RANBP3L: variants seen among roughly 807,000 people sequenced by gnomAD.
The protein encoded by RANBP3L is ran-binding protein 3-like.
RANBP3L carries 56 observed loss-of-function variants against 67.2 expected under a neutral mutation model. That is an observed-to-expected ratio of 0.83 (90% CI 0.67 to 1.04). The LOEUF is 1.04. Ranked by LOEUF, RANBP3L falls within the 50% of genes least tolerant of loss-of-function variation. The probability of loss-of-function intolerance (pLI) is 0.00; values close to 1 mark genes in which losing one functional copy is unlikely to be tolerated. For missense variants in RANBP3L, 496 were observed against 535.5 expected (o/e 0.93, Z 0.73); for synonymous variants, 164 against 181.4 (o/e 0.90, Z 0.77).
intron 1 of RANBP3L, among the ~76,000 whole-genome samples, chr5:36,289,180 C>T (rs1381221294): frequency 1.3e-5 from 2 of 152,074 alleles, no homozygotes; most frequent in African/African-American, 2.4e-5. Context: ...TATCCGTTCT[C>T]CCTTTGAGTT....
chr5:36,293,813 T>C lies in RANBP3L; in HGVS notation c.91+7513A>G, dbSNP rs1348439264. Among the ~76,000 whole-genome samples, 6 of 146,976 alleles carry C rather than the reference T, an allele frequency of 4.1e-5. No individual in the cohort carries two copies. In the East Asian group the frequency reaches 5.8e-4, roughly 14 times the overall value. ...CTGGATTCGGTTTGCCAGTATTTTATTGAGGATTTTTGCATCAATGTTCAT... is the reference window on the plus strand; with the variant it reads ...CTGGATTCGGTTTGCCAGTATTTTACTGAGGATTTTTGCATCAATGTTCAT... On this transcript the variant is annotated intron_variant, in intron 1 of 13. Coordinates refer to ENST00000296604, the MANE Select transcript of RANBP3L (RefSeq NM_145000.5).
chr5:36,267,056 C>T (rs1013124403), intron 4 of RANBP3L, among the ~76,000 whole-genome samples: 1 of 152,136 alleles, frequency 6.6e-6, no homozygotes, highest in Non-Finnish European at 1.5e-5. Context: ...CACGCCCAGC[C>T]AGGATCTCTG....
chr5:36,287,622 G>A (rs1420657758), intron 1 of RANBP3L, among the ~76,000 whole-genome samples: 1 of 152,048 alleles, frequency 6.6e-6, no homozygotes, highest in Non-Finnish European at 1.5e-5. Context: ...TGATTCTAAA[G>A]GATGTTCAAT....
chr5:36,266,591 A>G (rs1054318958), intron 4 of RANBP3L, among the ~76,000 whole-genome samples: 2 of 152,234 alleles, frequency 1.3e-5, no homozygotes, highest in Admixed American at 6.5e-5. Context: ...TCTGCACAAC[A>G]TAAAACAGAA....
At chr5:36,297,997 G>C (rs995923827) in intron 1 of RANBP3L, among the ~76,000 whole-genome samples, 1 of 152,014 alleles carries the variant, frequency 6.6e-6, no homozygotes, top group African/African-American at 2.4e-5. Context: ...GGCATGGGGG[G>C]TTAGAAAATA....
chr5:36,291,163 T>C (rs1476267938), intron 1 of RANBP3L, among the ~76,000 whole-genome samples: 2 of 151,858 alleles, frequency 1.3e-5, no homozygotes, highest in Non-Finnish European at 2.9e-5. Context: ...TCTCCAGAAC[T>C]CTTTTCATCT....
Position 36,301,504 on chromosome 5 carries a change from A to T in RANBP3L, c.-88T>A. 1 of 847,216 alleles carries T rather than the reference A, an allele frequency of 1.2e-6. No individual in the cohort carries two copies. Among genetic ancestry groups the T allele is most frequent in the Non-Finnish European group, 2.0e-6 (1 of 498,484 alleles). The allele number at this position is 847,216 out of a possible 1,614,324, so 52.5% of individuals were successfully genotyped here. A position where few individuals can be genotyped will look rare whatever the true frequency, so the allele number is the denominator to read the frequency against. ...CTAAAGTGGCCTTCACCAGACACCC[A>T]GAAATACATAGATTCATGCAGATCT... On this transcript the variant is annotated 5_prime_UTR_variant, in exon 1 of 14. Transcript: ENST00000296604.
chr5:36,266,860 G>A (rs983875140), intron 4 of RANBP3L, among the ~76,000 whole-genome samples: 2 of 151,906 alleles, frequency 1.3e-5, no homozygotes, highest in Admixed American at 1.3e-4. Context: ...GGGTTCAAGC[G>A]ATTCTCTTGC....
At chr5:36,270,826 G>T (rs6886540) in intron 2 of RANBP3L, among the ~76,000 whole-genome samples, 1 of 152,094 alleles carries the variant, frequency 6.6e-6, no homozygotes, top group Non-Finnish European at 1.5e-5. Flanking sequence ...CTTTCAAAAC[G>T]AATGATTTTA....
chr5:36,253,581 A>G lies in RANBP3L; in HGVS notation c.1167+66T>C, dbSNP rs1748747495. 5.2e-6 allele frequency: 7 copies of G among 1,348,614 alleles called. No homozygotes were observed. In the African/African-American group the frequency reaches 5.8e-5, roughly 11 times the overall value. 83.5% of individuals were successfully genotyped at this position (1,348,614 alleles called of 1,614,324 possible). A position where few individuals can be genotyped will look rare whatever the true frequency, so the allele number is the denominator to read the frequency against. ...ATTATTATACCTAATGAAAAAACAA[A>G]TTAGTAATTGCAGACGTCTATTAAT... On this transcript the variant is annotated intron_variant, in intron 12 of 13. Coordinates refer to ENST00000296604, the MANE Select transcript of RANBP3L (RefSeq NM_145000.5).
intron 1 of RANBP3L, among the ~76,000 whole-genome samples, chr5:36,293,662 G>A (rs1252051156): frequency 7.0e-6 from 1 of 142,892 alleles, no homozygotes; most frequent in Non-Finnish European, 1.6e-5. Flanking sequence ...AGATAATCAT[G>A]TGGTTTTTGT....
intron 1 of RANBP3L, among the ~76,000 whole-genome samples, chr5:36,274,552 T>C (rs934748489): frequency 2.6e-5 from 4 of 152,010 alleles, no homozygotes; most frequent in African/African-American, 7.2e-5. Flanking sequence ...AAGGAACCAG[T>C]GTAGCTGATA....
Position 36,281,913 on chromosome 5 carries a change from TC to T in RANBP3L, c.92-10603del, listed in dbSNP as rs1751001296. 4.6e-5 allele frequency among the ~76,000 whole-genome samples: 7 copies of T among 152,340 alleles called. No homozygotes were observed. In the South Asian group the frequency reaches 1.4e-3, roughly 32 times the overall value. On this transcript the variant is annotated intron_variant, in intron 1 of 13. Transcript: ENST00000296604. ...TTGTCTATAAATAAGACTATTGTGTTCTTTTGTGACAAAATTTACTTGCAAT... is the reference window on the plus strand; with the variant it reads ...TTGTCTATAAATAAGACTATTGTGTTTTTTGTGACAAAATTTACTTGCAAT...
chr5:36,276,562 T>C (rs1296401774), intron 1 of RANBP3L, among the ~76,000 whole-genome samples: 1 of 152,326 alleles, frequency 6.6e-6, no homozygotes, highest in East Asian at 1.9e-4. Flanking sequence ...TAAAGTATTA[T>C]ACTATCACAA....
At chr5:36,253,034 G>A (rs575956089) in intron 12 of RANBP3L, among the ~76,000 whole-genome samples, 11 of 151,916 alleles carry the variant, frequency 7.2e-5, no homozygotes, top group African/African-American at 1.9e-4. Flanking sequence ...TTGTTTTTGC[G>A]TTTCATTTTG....
At chr5:36,262,629 C>A (rs1205269199) in intron 6 of RANBP3L, among the ~76,000 whole-genome samples, 1 of 152,052 alleles carries the variant, frequency 6.6e-6, no homozygotes, top group Non-Finnish European at 1.5e-5. Context: ...ATTATCTGAT[C>A]TAGTATTTAC....
rs1396540621 is a variant in RANBP3L, at chr5:36,248,081, G to A, written c.*1573C>T. Among the ~76,000 whole-genome samples, 1 of 152,038 alleles carries A rather than the reference G, an allele frequency of 6.6e-6. No homozygotes were observed. The highest frequency in any genetic ancestry group is 1.5e-5 in the Non-Finnish European group (1 of 68,016). ...TTTCTGCTGAGTGTGTTCCGCATCA[G>A]AGTCACTCTTCTTGATTTTAAAAAA... On this transcript the variant is annotated 3_prime_UTR_variant, in exon 14 of 14. Transcript: ENST00000296604.
chr5:36,253,498 T>G, intron 12 of RANBP3L, 149 bp downstream of exon 12: 2 of 600,390 alleles, frequency 3.3e-6, no homozygotes, highest in South Asian at 2.2e-5. Flanking sequence ...CACATAAAAT[T>G]TATGTCTTAT....
At position 36,290,173 on chromosome 5, in the gene RANBP3L, A is replaced by C. The variant is rs16902935; in HGVS notation, c.91+11153T>G. Among the ~76,000 whole-genome samples the C allele has an allele frequency of 7.8e-3, 1,177 of 150,404 alleles. 15 individuals are homozygous for C. Among genetic ancestry groups the C allele is most frequent in the African/African-American group, 0.027 (1,095 of 41,054 alleles). ...TACAATCCTTTTAATATCTGTAATG[A>C]CACCCTCTACATCATTCCTCATACT... On this transcript the variant is annotated intron_variant, in intron 1 of 13. Transcript: ENST00000296604.
Sources: allele counts gnomAD v4.1 joint callset (sites outside exome capture counted in the v4.1 genomes callset), GRCh38; gene constraint gnomAD v4.1.1; transcripts MANE v1.5; gene names NCBI Gene and HGNC (gene_info 2026-07-23, HGNC 2026-07-21).